Variants in FSTL5 observed in about 807,000 individuals in gnomAD.
FSTL5 encodes follistatin like 5.
Under a neutral mutation model 89.1 loss-of-function variants are expected in FSTL5, and 62 were observed. The observed-to-expected ratio is 0.70, with a 90% CI of 0.57 to 0.86. FSTL5 has a LOEUF of 0.86. Ranked by LOEUF, FSTL5 falls within the 40% of genes least tolerant of loss-of-function variation. The probability of loss-of-function intolerance (pLI) is 0.00; values close to 1 mark genes in which losing one functional copy is unlikely to be tolerated. For synonymous variants in FSTL5, 383 were observed against 346.2 expected, an observed-to-expected ratio of 1.11 and a Z score of -1.18; for missense variants, 1,057 against 1,001.6, an observed-to-expected ratio of 1.06 and a Z score of -0.75.
chr4:161,643,031 G>C (rs1486666311), intron 7 of FSTL5, among the ~76,000 whole-genome samples: 1 of 152,102 alleles, frequency 6.6e-6, no homozygotes, highest in Non-Finnish European at 1.5e-5. Flanking sequence ...GTATAAACAT[G>C]TTGGTTTATA....
chr4:161,804,756 A>AT (rs1312097910), intron 4 of FSTL5, among the ~76,000 whole-genome samples: 1 of 152,104 alleles, frequency 6.6e-6, no homozygotes, highest in Non-Finnish European at 1.5e-5. Flanking sequence ...GGGGAAGAGA[A>AT]TGTAGGTAAT....
intron 6 of FSTL5, among the ~76,000 whole-genome samples, chr4:161,719,779 T>A (rs1315129418): frequency 6.6e-6 from 1 of 152,190 alleles, no homozygotes; most frequent in Non-Finnish European, 1.5e-5. Flanking sequence ...TAGTGTATTG[T>A]AATGCAAACA....
At chr4:162,096,306 C>A (rs889786531) in intron 2 of FSTL5, among the ~76,000 whole-genome samples, 2 of 151,774 alleles carry the variant, frequency 1.3e-5, no homozygotes, top group African/African-American at 4.8e-5. Context: ...GCAGCAGAAT[C>A]CTAAGACCAA....
intron 4 of FSTL5, among the ~76,000 whole-genome samples, chr4:161,889,312 T>C (rs552108953): frequency 3.9e-5 from 6 of 152,204 alleles, no homozygotes; most frequent in African/African-American, 7.2e-5. Context: ...AAGTGCAGGG[T>C]AATGGTAATC....
intron 5 of FSTL5, among the ~76,000 whole-genome samples, chr4:161,768,369 G>T (rs1320794598): frequency 6.6e-6 from 1 of 151,964 alleles, no homozygotes; most frequent in Non-Finnish European, 1.5e-5. Flanking sequence ...TGATATATTT[G>T]GTTATACAAA....
chr4:161,481,274 T>C, intron 12 of FSTL5, 105 bp from the exon 13 acceptor site: 1 of 715,056 alleles, frequency 1.4e-6, no homozygotes, highest in Non-Finnish European at 2.2e-6. Context: ...ACTTTCAGCA[T>C]CAAATGTTAA....
At chr4:161,459,369 T>G in intron 13 of FSTL5, 50 bp from the exon 14 acceptor site, 1 of 1,148,190 alleles carries the variant, frequency 8.7e-7, no homozygotes, top group South Asian at 1.3e-5. Context: ...ACTATTAGTT[T>G]AAAGCTAGGC....
intron 9 of FSTL5, among the ~76,000 whole-genome samples, chr4:161,540,586 G>A (rs1731785556): frequency 6.6e-6 from 1 of 151,898 alleles, no homozygotes. Flanking sequence ...GACTCTTCCT[G>A]CAGGTTTCAT....
At chr4:161,633,977 A>G (rs188448705) in intron 7 of FSTL5, among the ~76,000 whole-genome samples, 209 of 152,342 alleles carry the variant, frequency 1.4e-3, no homozygotes, top group African/African-American at 4.9e-3. Context: ...ATTATTTTGG[A>G]GTTACCTTTC....
chr4:161,804,844 CAATA>C (rs1230399106), intron 4 of FSTL5, among the ~76,000 whole-genome samples: 1 of 151,882 alleles, frequency 6.6e-6, no homozygotes, highest in Non-Finnish European at 1.5e-5. Flanking sequence ...TATAGTTGGC[CAATA>C]AGATCCTTAA....
At chr4:161,755,202 A>T (rs533157617) in intron 6 of FSTL5, among the ~76,000 whole-genome samples, 1 of 152,220 alleles carries the variant, frequency 6.6e-6, no homozygotes, top group African/African-American at 2.4e-5. Flanking sequence ...TAAATATGTT[A>T]GTAAAAATCA....
chr4:161,949,947 TATTA>T (rs1389895310), intron 3 of FSTL5, among the ~76,000 whole-genome samples: 6 of 152,294 alleles, frequency 3.9e-5, no homozygotes, highest in Admixed American at 2.6e-4. Flanking sequence ...CATTTGCTTC[TATTA>T]ATTGTTTTGT....
intron 1 of FSTL5, among the ~76,000 whole-genome samples, chr4:162,128,108 TAG>T (rs5863517): frequency 0.51 from 77,347 of 151,828 alleles, 20,217 homozygotes; most frequent in Admixed American, 0.58. Context: ...TTAGAATTTA[TAG>T]AGTCCAAAGA....
chr4:161,790,807 T>A (rs769764660), intron 4 of FSTL5, among the ~76,000 whole-genome samples: 1 of 152,216 alleles, frequency 6.6e-6, no homozygotes, highest in Non-Finnish European at 1.5e-5. Context: ...GTGCTCTTTT[T>A]ATATTTCACT....
intron 6 of FSTL5, among the ~76,000 whole-genome samples, chr4:161,719,870 A>C (rs1739131251): frequency 6.6e-6 from 1 of 152,148 alleles, no homozygotes; most frequent in Admixed American, 6.5e-5. Flanking sequence ...GACTCTTTAG[A>C]ACTTTATCTT....
intron 1 of FSTL5, among the ~76,000 whole-genome samples, chr4:162,113,898 G>A (rs1731539492): frequency 6.6e-6 from 1 of 152,106 alleles, no homozygotes; most frequent in African/African-American, 2.4e-5. Flanking sequence ...TTTGAAAAAT[G>A]TGGGTCTTCT....
At chr4:161,930,616 T>A (rs140636080) in intron 3 of FSTL5, among the ~76,000 whole-genome samples, 1 of 151,738 alleles carries the variant, frequency 6.6e-6, no homozygotes, top group Non-Finnish European at 1.5e-5. Context: ...TCACCACTGA[T>A]ACAATTCTGG....
At chr4:161,958,467 A>T (rs1221478252) in intron 3 of FSTL5, among the ~76,000 whole-genome samples, 2 of 152,044 alleles carry the variant, frequency 1.3e-5, no homozygotes, top group African/African-American at 2.4e-5. Flanking sequence ...TATTGAGGGC[A>T]TTTTCTGGAA....
At position 162,144,692 on chromosome 4, in the gene FSTL5, C is replaced by A. The variant is rs574333056; in HGVS notation, c.-17+18923G>T. ...ATAATGATCCACAAAAAAGTGAATA[C>A]ATATTGCAGTAAGATACCAATACAG... On this transcript the variant is annotated intron_variant, in intron 1 of 15. Transcript: ENST00000306100. Among the ~76,000 whole-genome samples the A allele has an allele frequency of 1.6e-4, 24 of 152,030 alleles. 1 individual carries two copies. The Middle Eastern group carries it at 0.01, about 65-fold the overall frequency.
Sources: gnomAD v4.1 joint callset for allele counts (sites outside exome capture counted in the v4.1 genomes callset) on GRCh38, gnomAD v4.1.1 for gene constraint, MANE v1.5 for transcripts, NCBI Gene and HGNC (gene_info 2026-07-23, HGNC 2026-07-21) for gene names.